Variants in DOCK1 observed in about 807,000 individuals in gnomAD.
DOCK1 encodes dedicator of cytokinesis protein 1.
A neutral mutation model predicts 262.7 loss-of-function variants in DOCK1; 138 were observed. That is an observed-to-expected ratio of 0.53 (90% CI 0.46 to 0.61). DOCK1 has a LOEUF of 0.61. Ranked by LOEUF, DOCK1 falls within the 20% of genes least tolerant of loss-of-function variation. The pLI, the probability that DOCK1 is intolerant of heterozygous loss-of-function variation, is 0.00. For missense variants in DOCK1, 1,908 were observed against 2,370.7 expected (o/e 0.80, Z 4.05); for synonymous variants, 866 against 867.4 (o/e 1.00, Z 0.03).
rs1250045974 is a variant in DOCK1 at position 126,967,452 on chromosome 10, C to CA, written c.47-3248dup. 4.6e-5 allele frequency among the ~76,000 whole-genome samples: 7 copies of CA among 152,282 alleles called. No individual in the cohort carries two copies. In the East Asian group the frequency reaches 1.4e-3, roughly 29 times the overall value. ...GCAGTGGAGACCCCAGTTCCAGAGT[C>CA]AATCAGTGAACCACAAAGTACCACT... On this transcript the variant is annotated intron_variant, in intron 1 of 51. Transcript: ENST00000623213.
At chr10:127,085,157 A>T (rs2047121892) in intron 23 of DOCK1, among the ~76,000 whole-genome samples, 1 of 152,166 alleles carries the variant, frequency 6.6e-6, no homozygotes, top group Non-Finnish European at 1.5e-5. Flanking sequence ...TTTCTTCATT[A>T]TGTGGCTTCC....
chr10:127,053,115 G>A (rs1238360771), intron 22 of DOCK1, among the ~76,000 whole-genome samples: 1 of 152,212 alleles, frequency 6.6e-6, no homozygotes, highest in Non-Finnish European at 1.5e-5. Flanking sequence ...AATCCTGGGC[G>A]TCTACTGAGG....
chr10:127,141,753 ATGT>A lies in DOCK1; in HGVS notation c.2847+13993_2847+13995del, dbSNP rs2133297605. Among the ~76,000 whole-genome samples the A allele has an allele frequency of 2.0e-5, 3 of 151,956 alleles. No homozygotes were observed. In the South Asian group the frequency reaches 6.2e-4, roughly 32 times the overall value. On this transcript the variant is annotated intron_variant, in intron 27 of 51. Coordinates refer to ENST00000623213, the MANE Select transcript of DOCK1 (RefSeq NM_001290223.2). The stretch of plus-strand genomic sequence containing the variant: ...GACTGCTTTGTTTTGGCCAAAAATT[ATGT>A]TGTGTCCTCCCCTGTGTCCTCCCAC...
intron 27 of DOCK1, among the ~76,000 whole-genome samples, chr10:127,128,578 C>T (rs1402187675): frequency 7.2e-5 from 11 of 152,048 alleles, no homozygotes; most frequent in Non-Finnish European, 1.5e-4. Flanking sequence ...GTGTGTGGTT[C>T]TCCTCCCTGT....
intron 27 of DOCK1, among the ~76,000 whole-genome samples, chr10:127,215,384 G>A (rs986136968): frequency 2.6e-5 from 4 of 152,142 alleles, no homozygotes; most frequent in Admixed American, 6.5e-5. Flanking sequence ...TCTGTGGTCC[G>A]CCTGGTGCTA....
At chr10:127,436,161 G>A (rs1259042344) in intron 48 of DOCK1, among the ~76,000 whole-genome samples, 4 of 152,144 alleles carry the variant, frequency 2.6e-5, no homozygotes, top group African/African-American at 9.7e-5. Context: ...ATGCCTTAAT[G>A]ATCTAAGTCA....
Position 127,052,829 on chromosome 10 carries a change from C to G in DOCK1, c.2336+14C>G. ...CCTGTTCAATCAGTGCGTACCTATCCCCTCCATGCCCGGGCTCTCAGAGGA... is the reference window on the plus strand; with the variant it reads ...CCTGTTCAATCAGTGCGTACCTATCGCCTCCATGCCCGGGCTCTCAGAGGA... On this transcript the variant is annotated intron_variant, in intron 22 of 51. Transcript: ENST00000623213. 1 of 1,601,690 alleles carries G rather than the reference C, an allele frequency of 6.2e-7. No individual in the cohort carries two copies. The highest frequency in any genetic ancestry group is 8.5e-7 in the Non-Finnish European group (1 of 1,173,506).
chr10:126,944,088 C>T (rs1017372455), intron 1 of DOCK1, among the ~76,000 whole-genome samples: 14 of 101,252 alleles, frequency 1.4e-4, no homozygotes, highest in South Asian at 3.8e-4. Context: ...GCATGGCAGC[C>T]GTGCAGGGGA....
chr10:127,213,984 C>CA (rs1347028833), intron 27 of DOCK1, among the ~76,000 whole-genome samples: 1 of 152,136 alleles, frequency 6.6e-6, no homozygotes, highest in Admixed American at 6.5e-5. Flanking sequence ...GGACTACAGG[C>CA]ACCCGCCACC....
chr10:127,130,957 C>A (rs1052295515), intron 27 of DOCK1, among the ~76,000 whole-genome samples: 4 of 152,130 alleles, frequency 2.6e-5, no homozygotes, highest in Middle Eastern at 3.2e-3. Context: ...AAATAAGCAC[C>A]TTTCTATTTT....
chr10:127,268,584 C>T, intron 29 of DOCK1, among the ~76,000 whole-genome samples: 1 of 151,566 alleles, frequency 6.6e-6, no homozygotes. Flanking sequence ...CTCCTTGTTT[C>T]CCCATTTCTC....
chr10:127,107,965 T>TGG (rs1342284839), intron 24 of DOCK1, among the ~76,000 whole-genome samples: 2 of 152,280 alleles, frequency 1.3e-5, no homozygotes, highest in Admixed American at 6.5e-5. Context: ...CCCTCACCGA[T>TGG]GGAGGGTATC....
rs1429435943 is a variant in DOCK1 at position 126,995,428 on chromosome 10, C to T, written c.474-1320C>T. ...CTGAGGCTGGCAGATCACTCACGGTCAGGAGCTGGAGACCAGCCGGGCCAA... is the reference window on the plus strand; with the variant it reads ...CTGAGGCTGGCAGATCACTCACGGTTAGGAGCTGGAGACCAGCCGGGCCAA... On this transcript the variant is annotated intron_variant, in intron 6 of 51. Transcript: ENST00000623213. The surrounding 1 kb of genome is among the most constrained non-coding windows in gnomAD (Gnocchi z 5.8). Among the ~76,000 whole-genome samples the T allele has an allele frequency of 1.3e-5, 2 of 152,214 alleles. No homozygotes were observed. The highest frequency in any genetic ancestry group is 2.9e-5 in the Non-Finnish European group (2 of 68,038).
chr10:127,111,360 A>G (rs2048851910), intron 25 of DOCK1, among the ~76,000 whole-genome samples: 1 of 152,304 alleles, frequency 6.6e-6, no homozygotes, highest in East Asian at 1.9e-4. Context: ...TCAAACCAAG[A>G]AGTGGGTGAC....
intron 35 of DOCK1, among the ~76,000 whole-genome samples, chr10:127,376,053 T>A (rs2065469002): frequency 6.6e-6 from 1 of 152,132 alleles, no homozygotes; most frequent in Non-Finnish European, 1.5e-5. Flanking sequence ...CAATGCACGC[T>A]AAAGACAAAA....
chr10:127,014,253 C>G (rs2041694714), intron 12 of DOCK1, among the ~76,000 whole-genome samples: 1 of 152,200 alleles, frequency 6.6e-6, no homozygotes, highest in Admixed American at 6.5e-5. Flanking sequence ...CATGAAGACT[C>G]CAGACATCTG....
At chr10:127,010,993 G>A (rs141635730) in intron 11 of DOCK1, among the ~76,000 whole-genome samples, 23 of 152,278 alleles carry the variant, frequency 1.5e-4, no homozygotes, top group African/African-American at 5.5e-4. Context: ...GGTTAGGGAG[G>A]TTATTAGTTT....
chr10:127,101,312 G>T (rs756935378), intron 23 of DOCK1, among the ~76,000 whole-genome samples: 3 of 152,002 alleles, frequency 2.0e-5, no homozygotes, highest in African/African-American at 7.2e-5. Flanking sequence ...GAGGAAACCC[G>T]GCCCTTCAGG....
At chr10:126,971,515 C>G (rs1565017978) in intron 2 of DOCK1, among the ~76,000 whole-genome samples, 3 of 152,144 alleles carry the variant, frequency 2.0e-5, no homozygotes, top group Admixed American at 6.5e-5. Context: ...ATCTTGGGCT[C>G]AAGCAGTCTT....
Sources: gnomAD v4.1 joint callset for allele counts (sites outside exome capture counted in the v4.1 genomes callset) on GRCh38, gnomAD v4.1.1 for gene constraint, Gnocchi (gnomAD v3.1) non-coding constraint, MANE v1.5 for transcripts, NCBI Gene and HGNC (gene_info 2026-07-23, HGNC 2026-07-21) for gene names.